Variants in NRG3 observed in about 807,000 individuals in gnomAD.
NRG3 encodes the protein pro-neuregulin-3, membrane-bound isoform.
A neutral mutation model predicts 66.9 loss-of-function variants in NRG3; 31 were observed. That is an observed-to-expected ratio of 0.46 (90% CI 0.35 to 0.63). NRG3 has a LOEUF of 0.63. Among genes scored for constraint, NRG3 ranks in the 20% least tolerant of loss-of-function variants. The pLI, the probability that NRG3 is intolerant of heterozygous loss-of-function variation, is 0.00. For missense variants in NRG3, 910 were observed against 878.9 expected (o/e 1.04, Z -0.45); for synonymous variants, 393 against 359.4 (o/e 1.09, Z -1.06).
intron 2 of NRG3, among the ~76,000 whole-genome samples, chr10:82,658,393 G>A (rs2052041014): frequency 6.6e-6 from 1 of 152,104 alleles, no homozygotes; most frequent in African/African-American, 2.4e-5. Context: ...AGGAATGGCA[G>A]ACAACTTTCT....
chr10:82,189,559 A>G (rs375892228), intron 1 of NRG3, among the ~76,000 whole-genome samples: 16 of 152,226 alleles, frequency 1.1e-4, no homozygotes, highest in East Asian at 9.7e-4. Context: ...TGGGAGGCCA[A>G]TGCGGGCAGA....
chr10:82,855,444 C>A (rs1382698135), intron 3 of NRG3, among the ~76,000 whole-genome samples: 1 of 152,018 alleles, frequency 6.6e-6, no homozygotes. Context: ...GTTGCCCAGG[C>A]TGGAGGGCAG....
chr10:82,551,229 A>G (rs1454850984), intron 2 of NRG3, among the ~76,000 whole-genome samples: 1 of 152,212 alleles, frequency 6.6e-6, no homozygotes, highest in African/African-American at 2.4e-5. Context: ...AGAGAGAGAA[A>G]GAGTTTACAA....
At chr10:82,041,808 T>G (rs1468027530) in intron 1 of NRG3, among the ~76,000 whole-genome samples, 1 of 69,722 alleles carries the variant, frequency 1.4e-5, no homozygotes, top group Non-Finnish European at 3.3e-5. Context: ...AATGGTCTAC[T>G]GATCTCTCTC....
intron 2 of NRG3, among the ~76,000 whole-genome samples, chr10:82,471,644 C>T (rs2132057926): frequency 6.6e-6 from 1 of 152,248 alleles, no homozygotes; most frequent in African/African-American, 2.4e-5. Context: ...GGCACGGTGG[C>T]TCATGCCTGT....
chr10:81,956,781 G>A (rs1010013933), intron 1 of NRG3, among the ~76,000 whole-genome samples: 17 of 152,078 alleles, frequency 1.1e-4, no homozygotes, highest in Non-Finnish European at 8.8e-5. Flanking sequence ...AAAACCTCCA[G>A]TAACTTCCTA....
chr10:82,033,418 C>T (rs1399350870), intron 1 of NRG3, among the ~76,000 whole-genome samples: 1 of 152,038 alleles, frequency 6.6e-6, no homozygotes, highest in East Asian at 1.9e-4. Flanking sequence ...TCCCTGGTAC[C>T]TTCTGTCTGT....
At chr10:82,922,005 A>T (rs924509078) in intron 4 of NRG3, among the ~76,000 whole-genome samples, 4 of 152,168 alleles carry the variant, frequency 2.6e-5, no homozygotes, top group Admixed American at 1.3e-4. Flanking sequence ...AGATTTCAGT[A>T]TAAATATAAA....
chr10:82,142,922 GT>G (rs11286244), intron 1 of NRG3, among the ~76,000 whole-genome samples: 61,105 of 118,944 alleles, frequency 0.51, 15,303 homozygotes, highest in Middle Eastern at 0.63. Context: ...ACCTGGCTAA[GT>G]TTTTTTTTTT....
chr10:82,725,343 C>A (rs12269322), intron 2 of NRG3, among the ~76,000 whole-genome samples: 13,333 of 152,204 alleles, frequency 0.088, 717 homozygotes, highest in Middle Eastern at 0.18. Context: ...TTGATCATCA[C>A]CTTATTCTTG....
chr10:81,925,522 A>G (rs1464347044), intron 1 of NRG3, among the ~76,000 whole-genome samples: 1 of 152,168 alleles, frequency 6.6e-6, no homozygotes, highest in African/African-American at 2.4e-5. Flanking sequence ...GGGCTGCCAC[A>G]CTGAGGTTGT....
intron 1 of NRG3, among the ~76,000 whole-genome samples, chr10:82,328,139 C>G (rs1308492039): frequency 6.6e-6 from 1 of 152,132 alleles, no homozygotes; most frequent in African/African-American, 2.4e-5. Context: ...CAGAATTTGT[C>G]TCCTGAACAA....
rs558501082 is a variant in NRG3 at position 82,885,863 on chromosome 10, A to ATTTT, written c.1054+20434_1054+20437dup. The stretch of plus-strand genomic sequence containing the variant: ...AGGCGTGAGCCACCGCGCCTGGCCT[A>ATTTT]TTTTTTTTTTTGTATTATTATTTTT... On this transcript the variant is annotated intron_variant, in intron 4 of 8. Transcript: ENST00000372141. 3.5e-3 allele frequency among the ~76,000 whole-genome samples: 498 copies of ATTTT among 142,966 alleles called. 2 individuals are homozygous for ATTTT. Among genetic ancestry groups the ATTTT allele is most frequent in the African/African-American group, 0.012 (477 of 39,006 alleles). The allele number at this position is 142,966 out of a possible 152,430, so 93.8% of individuals were successfully genotyped here. A position where few individuals can be genotyped will look rare whatever the true frequency, so the allele number is the denominator to read the frequency against.
intron 1 of NRG3, among the ~76,000 whole-genome samples, chr10:82,255,072 C>CA (rs2077653658): frequency 6.6e-6 from 1 of 152,208 alleles, no homozygotes; most frequent in African/African-American, 2.4e-5. Context: ...GGTCAATACT[C>CA]ACAATCATAA....
At position 82,898,749 on chromosome 10, in the gene NRG3, T is replaced by G. The variant is rs546652731; in HGVS notation, c.1054+33312T>G. 7.3e-5 allele frequency among the ~76,000 whole-genome samples: 9 copies of G among 123,550 alleles called. No individual in the cohort carries two copies. The East Asian group carries it at 2.2e-3, about 30-fold the overall frequency. The allele number at this position is 123,550 out of a possible 152,430, so 81.1% of individuals were successfully genotyped here. On this transcript the variant is annotated intron_variant, in intron 4 of 8. Coordinates refer to ENST00000372141, the MANE Select transcript of NRG3 (RefSeq NM_001010848.4). The stretch of plus-strand genomic sequence containing the variant: ...TTTTTTTTTTTTTTTTGAGACAGAG[T>G]CTCGCTCTGTCTCCCAGGCTGGAGT...
chr10:82,264,175 GCTAATA>G (rs2078177928), intron 1 of NRG3, among the ~76,000 whole-genome samples: 1 of 152,154 alleles, frequency 6.6e-6, no homozygotes, highest in African/African-American at 2.4e-5. Flanking sequence ...TTCTCACATT[GCTAATA>G]AAGACATACC....
At chr10:82,880,399 GTCTT>G (rs1338560570) in intron 4 of NRG3, among the ~76,000 whole-genome samples, 1 of 152,114 alleles carries the variant, frequency 6.6e-6, no homozygotes, top group Non-Finnish European at 1.5e-5. Context: ...CAGAAAGTTA[GTCTT>G]TTAAAAAAGC....
intron 1 of NRG3, among the ~76,000 whole-genome samples, chr10:82,119,002 C>T (rs1179913762): frequency 2.6e-5 from 4 of 152,012 alleles, no homozygotes; most frequent in African/African-American, 9.7e-5. Flanking sequence ...TTGTGAATTT[C>T]TTTTTAATTT....
chr10:82,650,721 G>T (rs924146952), intron 2 of NRG3, among the ~76,000 whole-genome samples: 7 of 152,136 alleles, frequency 4.6e-5, no homozygotes, highest in Non-Finnish European at 1.0e-4. Context: ...TTTTTTCTTG[G>T]TAATCCAAAA....
Sources: gnomAD v4.1 joint callset for allele counts (sites outside exome capture counted in the v4.1 genomes callset) on GRCh38, gnomAD v4.1.1 for gene constraint, MANE v1.5 for transcripts, NCBI Gene and HGNC (gene_info 2026-07-23, HGNC 2026-07-21) for gene names.